The following TRRAP variants were observed in gnomAD, a reference collection of about 807,000 sequenced individuals.
The protein encoded by TRRAP is transformation/transcription domain-associated protein.
A neutral mutation model predicts 438.8 loss-of-function variants in TRRAP; 41 were observed. That is an observed-to-expected ratio of 0.09 (90% CI 0.07 to 0.12). TRRAP has a LOEUF of 0.12. Among genes scored for constraint, TRRAP ranks in the 10% least tolerant of loss-of-function variants. The pLI is 1.00. For missense variants in TRRAP, 3,122 were observed against 5,055.1 expected, an observed-to-expected ratio of 0.62 and a Z score of 11.60; for synonymous variants, 1,994 against 1,962.9, an observed-to-expected ratio of 1.02 and a Z score of -0.42.
chr7:98,933,337 A>C lies in TRRAP; in HGVS notation c.3949A>C (p.Thr1317Pro). The C allele has an allele frequency of 6.2e-7, 1 of 1,614,134 alleles. No homozygotes were observed. Among genetic ancestry groups the C allele is most frequent in the Non-Finnish European group, 8.5e-7 (1 of 1,180,020 alleles). Residue 1317 changes from threonine to proline, a missense_variant, in exon 27 of 73, where the codon ACG (threonine) becomes CCG (proline). Coordinates refer to ENST00000456197, the MANE Select transcript of TRRAP (RefSeq NM_001375524.1). ...GATGGAGGGGAACACGTTCTGTACCACGTTGCAGCCCAGGCTCTTCACAAT... is the reference window on the plus strand; with the variant it reads ...GATGGAGGGGAACACGTTCTGTACCCCGTTGCAGCCCAGGCTCTTCACAAT... ...GLMEGNTFCT[T>P]LQPRLFTMDL...
chr7:99,007,413 A>G (rs536933687), intron 69 of TRRAP, among the ~76,000 whole-genome samples: 2 of 151,284 alleles, frequency 1.3e-5, no homozygotes, highest in East Asian at 3.9e-4. Context: ...CAGTGGCGCA[A>G]TCTCAGTTCA....
rs745363646 is a variant in TRRAP, at chr7:98,976,155, G to A, written c.7846G>A (p.Ala2616Thr). ...GTTGTCTTTCTGTTCATAGACTGGA[G>A]CGCTGCTCAGCGCTTTCGTTCAGCT... is the stretch of plus-strand genomic sequence containing the variant. Reference protein sequence around the residue: ...LDTLREVKTGALLSAFVQLCH... With the variant: ...LDTLREVKTGTLLSAFVQLCH... The change falls in exon 54 of 73, where the codon GCG (alanine) becomes ACG (threonine). Residue 2616 changes from alanine to threonine, a missense_variant. Coordinates refer to ENST00000456197, the MANE Select transcript of TRRAP (RefSeq NM_001375524.1). This position sits in a 1 kb window ranked among gnomAD's most constrained non-coding sequence, Gnocchi z 4.6. 1 of 1,613,798 alleles carries A rather than the reference G, an allele frequency of 6.2e-7. No homozygotes were observed. The highest frequency in any genetic ancestry group is 2.2e-5 in the East Asian group (1 of 44,902).
intron 7 of TRRAP, among the ~76,000 whole-genome samples, chr7:98,897,090 C>A (rs1195388527): frequency 1.3e-5 from 2 of 152,090 alleles, no homozygotes; most frequent in Non-Finnish European, 2.9e-5. Flanking sequence ...CAAAAATTAG[C>A]CAAGCATGGT....
rs868965746 is a variant in TRRAP at position 98,937,244 on chromosome 7, G to A, written c.4200G>A (p.Glu1400=). The A allele has an allele frequency of 1.2e-6, 2 of 1,613,498 alleles. No individual in the cohort carries two copies. The highest frequency in any genetic ancestry group is 1.1e-5 in the South Asian group (1 of 91,054). Residue 1400 remains glutamate (E), a synonymous_variant, in exon 29 of 73, where the codon GAG becomes GAA. Transcript: ENST00000456197. The part of the protein sequence containing the change: ...LFKALNSTNS[E]LQEAGEACMR... ...AAGCCCTGAATTCCACCAATAGTGA[G>A]CTCCAAGAGGCCGGAGAAGCCTGTA... is the stretch of plus-strand genomic sequence containing the variant.
At chr7:98,975,578 G>A (rs923352213) in intron 53 of TRRAP, among the ~76,000 whole-genome samples, 1 of 152,174 alleles carries the variant, frequency 6.6e-6, no homozygotes, top group Admixed American at 6.5e-5. Context: ...TTCGACTTCG[G>A]GCTCTAGTTG....
chr7:98,949,516 G>A lies in TRRAP; in HGVS notation c.4888G>A (p.Ala1630Thr). 6.2e-7 allele frequency: 1 copy of A among 1,608,850 alleles called. No homozygotes were observed. Among genetic ancestry groups the A allele is most frequent in the Non-Finnish European group, 8.5e-7 (1 of 1,177,972 alleles). Residue 1630 changes from alanine to threonine, a missense_variant, in exon 36 of 73, where the codon GCT (alanine) becomes ACT (threonine). This residue lies in a region of TRRAP where 272 missense variants were observed against 348.5 expected (regional missense o/e 0.78). Coordinates refer to ENST00000456197, the MANE Select transcript of TRRAP (RefSeq NM_001375524.1). Reference protein sequence around the residue: ...TLLLPGGAQTAVRPGSPSTST... With the variant: ...TLLLPGGAQTTVRPGSPSTST... ...GCTGCTGCCGGGGGGTGCCCAGACG[G>A]CTGTGCGCCCCGGTTCGCCCAGCAC... is the stretch of plus-strand genomic sequence containing the variant.
In TRRAP at chr7:99,005,932, C is replaced by T. The variant is rs1219173460; in HGVS notation, c.10753+584C>T. ...TGAAACCACCCCGGCCGAGCCTGGGCGCCAGCGAGGCAGCAGCATGCATCA... is the reference window on the plus strand; with the variant it reads ...TGAAACCACCCCGGCCGAGCCTGGGTGCCAGCGAGGCAGCAGCATGCATCA... On this transcript the variant is annotated intron_variant, in intron 69 of 72. Transcript: ENST00000456197. The surrounding 1 kb of genome is among the most constrained non-coding windows in gnomAD (Gnocchi z 5.1). Among the ~76,000 whole-genome samples the T allele has an allele frequency of 6.6e-6, 1 of 152,130 alleles. No homozygotes were observed. The highest frequency in any genetic ancestry group is 2.4e-5 in the African/African-American group (1 of 41,434).
intron 28 of TRRAP, 21 bp from the exon 29 acceptor site, chr7:98,937,135 T>C: frequency 6.3e-7 from 1 of 1,585,136 alleles, no homozygotes; most frequent in Non-Finnish European, 8.5e-7. Context: ...AATGGAATTG[T>C]CTTGATTTCT....
chr7:98,903,543 A>G (rs782321499), intron 12 of TRRAP, 26 bp downstream of exon 12: 16 of 1,613,326 alleles, frequency 9.9e-6, no homozygotes, highest in Non-Finnish European at 8.5e-7. Context: ...CTTGTCTTGA[A>G]TGCTGATGCT....
intron 51 of TRRAP, among the ~76,000 whole-genome samples, chr7:98,968,710 A>T (rs893714564): frequency 5.3e-5 from 8 of 152,200 alleles, no homozygotes; most frequent in African/African-American, 1.9e-4. Context: ...GTTCTCTTTG[A>T]TGAGAAGAAG....
intron 69 of TRRAP, among the ~76,000 whole-genome samples, chr7:99,006,494 G>C (rs376466877): frequency 6.6e-6 from 1 of 152,180 alleles, no homozygotes; most frequent in Admixed American, 6.5e-5. Flanking sequence ...CCAAATGCTT[G>C]GTCAGCACAG....
At chr7:98,932,516 T>C (rs1790368180) in intron 26 of TRRAP, among the ~76,000 whole-genome samples, 2 of 151,458 alleles carry the variant, frequency 1.3e-5, no homozygotes, top group South Asian at 4.2e-4. Flanking sequence ...TTTCCAGCTA[T>C]TTTTTTTTAT....
intron 53 of TRRAP, among the ~76,000 whole-genome samples, chr7:98,973,417 C>T (rs1408444470): frequency 6.6e-6 from 1 of 152,164 alleles, no homozygotes; most frequent in Non-Finnish European, 1.5e-5. Flanking sequence ...GCTCCTGGTG[C>T]GAGTGCCATC....
At chr7:98,930,335 G>C (rs1790267232) in intron 24 of TRRAP, 129 bp downstream of exon 24, 12 of 1,210,170 alleles carry the variant, frequency 9.9e-6, no homozygotes, top group Non-Finnish European at 1.4e-5. Flanking sequence ...CCAGCACTTT[G>C]AGAGGCCAAG....
chr7:98,927,487 G>A, intron 23 of TRRAP, 121 bp downstream of exon 23: 2 of 1,302,432 alleles, frequency 1.5e-6, no homozygotes, highest in African/African-American at 3.0e-5. Flanking sequence ...TTGATTTTCG[G>A]CTTTTATTTT....
chr7:98,909,550 G>T (rs1051433821), intron 14 of TRRAP, among the ~76,000 whole-genome samples: 9 of 152,318 alleles, frequency 5.9e-5, no homozygotes, highest in African/African-American at 1.9e-4. Context: ...CAAGTAATTA[G>T]GAGAGTTATT....
chr7:98,936,054 C>G (rs191112407), intron 28 of TRRAP, among the ~76,000 whole-genome samples: 1 of 152,304 alleles, frequency 6.6e-6, no homozygotes, highest in African/African-American at 2.4e-5. Context: ...CCTGCAGTCT[C>G]TAGCTTTTCA....
intron 20 of TRRAP, among the ~76,000 whole-genome samples, 188 bp from the exon 21 acceptor site, chr7:98,921,564 TG>T (rs1789798334): frequency 6.6e-6 from 1 of 152,070 alleles, no homozygotes; most frequent in African/African-American, 2.4e-5. Flanking sequence ...TTAGTAGAGG[TG>T]GGGTTTTGCC....
chr7:98,946,026 G>A (rs1791042365), intron 33 of TRRAP, 76 bp downstream of exon 33: 1 of 1,346,646 alleles, frequency 7.4e-7, no homozygotes, highest in African/African-American at 1.5e-5. Flanking sequence ...GCTGTGTCGT[G>A]GTTCTGTACT....
Sources: gnomAD v4.1 joint callset for allele counts (sites outside exome capture counted in the v4.1 genomes callset) on GRCh38, gnomAD v4.1.1 for gene constraint, gnomAD v4.1.1 regional missense constraint, Gnocchi (gnomAD v3.1) non-coding constraint, MANE v1.5 for transcripts, NCBI Gene and HGNC (gene_info 2026-07-23, HGNC 2026-07-21) for gene names.